NDUFS4: variants seen among roughly 807,000 people sequenced by gnomAD.
NDUFS4 encodes the protein NADH:ubiquinone oxidoreductase subunit S4.
In NDUFS4, 28 loss-of-function variants were observed where a neutral mutation model predicts 24.3. That is an observed-to-expected ratio of 1.15 (90% CI 0.85 to 1.58). NDUFS4 has a LOEUF of 1.58. Ranked by LOEUF, NDUFS4 falls within the 40% of genes most tolerant of loss-of-function variation. NDUFS4 has a pLI of 0.00. For synonymous variants in NDUFS4, 93 were observed against 69.7 expected (o/e 1.34, Z -1.67); for missense variants, 223 against 207.9 (o/e 1.07, Z -0.45).
chr5:53,646,037 T>C (rs192393130), intron 2 of NDUFS4, among the ~76,000 whole-genome samples, 196 bp from the exon 3 acceptor site: 1 of 152,262 alleles, frequency 6.6e-6, no homozygotes, highest in Admixed American at 6.5e-5. Flanking sequence ...TACGTCCCCC[T>C]AAATAAACCA....
chr5:53,602,999 A>G (rs927595905), intron 1 of NDUFS4, among the ~76,000 whole-genome samples: 2 of 152,182 alleles, frequency 1.3e-5, no homozygotes, highest in African/African-American at 2.4e-5. Context: ...ATTCCTATGT[A>G]AAATACTTTT....
intron 2 of NDUFS4, among the ~76,000 whole-genome samples, chr5:53,638,780 C>T (rs933307319): frequency 3.9e-5 from 6 of 152,000 alleles, no homozygotes; most frequent in African/African-American, 9.7e-5. Flanking sequence ...AAAGGAAAAC[C>T]TTCACTTTCT....
At chr5:53,602,972 C>T (rs1750372347) in intron 1 of NDUFS4, among the ~76,000 whole-genome samples, 1 of 152,158 alleles carries the variant, frequency 6.6e-6, no homozygotes, top group Non-Finnish European at 1.5e-5. Context: ...AAACTAATAA[C>T]ATTAGTTATA....
intron 4 of NDUFS4, among the ~76,000 whole-genome samples, chr5:53,669,372 C>G (rs982633316): frequency 2.6e-5 from 4 of 152,096 alleles, no homozygotes; most frequent in African/African-American, 9.7e-5. Flanking sequence ...CATTCCAAAC[C>G]TACTACACCT....
intron 4 of NDUFS4, among the ~76,000 whole-genome samples, chr5:53,661,654 G>C (rs1168647533): frequency 6.6e-6 from 1 of 152,164 alleles, no homozygotes. Context: ...TCTTCCATTT[G>C]TTTGTATCCG....
At chr5:53,591,471 G>GA (rs959386628) in intron 1 of NDUFS4, among the ~76,000 whole-genome samples, 1 of 128,116 alleles carries the variant, frequency 7.8e-6, no homozygotes, top group African/African-American at 2.9e-5. Flanking sequence ...TGGGGGGGGG[G>GA]GGTGATAATA....
At chr5:53,585,298 A>C (rs1405150186) in intron 1 of NDUFS4, among the ~76,000 whole-genome samples, 1 of 152,196 alleles carries the variant, frequency 6.6e-6, no homozygotes, top group Non-Finnish European at 1.5e-5. Context: ...AGTTTTAATT[A>C]CTTGTTCTGT....
intron 1 of NDUFS4, among the ~76,000 whole-genome samples, chr5:53,582,974 T>C (rs1349034949): frequency 6.6e-6 from 1 of 152,134 alleles, no homozygotes; most frequent in Non-Finnish European, 1.5e-5. Flanking sequence ...CGATCTCGGC[T>C]CACTGCAAGC....
chr5:53,682,239 T>TAAA (rs1554062285), intron 4 of NDUFS4, among the ~76,000 whole-genome samples: 3 of 152,136 alleles, frequency 2.0e-5, no homozygotes, highest in African/African-American at 7.2e-5. Flanking sequence ...TTAGGAGAAC[T>TAAA]AAAGAACAGG....
chr5:53,608,328 A>G (rs1181967351), intron 2 of NDUFS4, among the ~76,000 whole-genome samples: 1 of 152,186 alleles, frequency 6.6e-6, no homozygotes, highest in Non-Finnish European at 1.5e-5. Flanking sequence ...TGGTTGCTGA[A>G]GGTTGGGGTG....
chr5:53,637,985 C>A (rs1430759840), intron 2 of NDUFS4, among the ~76,000 whole-genome samples: 1 of 151,976 alleles, frequency 6.6e-6, no homozygotes, highest in Non-Finnish European at 1.5e-5. Context: ...TTAAAATGGC[C>A]GTGGTTAAAA....
intron 2 of NDUFS4, among the ~76,000 whole-genome samples, chr5:53,641,137 G>A (rs2112501204): frequency 6.6e-6 from 1 of 152,216 alleles, no homozygotes; most frequent in East Asian, 1.9e-4. Flanking sequence ...GTTGCCGAAG[G>A]TAACCACTTC....
At position 53,683,137 on chromosome 5, in the gene NDUFS4, A is replaced by G. The variant is rs1430223131; in HGVS notation, c.444A>G (p.Glu148=). ...TCCTAGGATGGAGCTATGACATTGA[A>G]GAGAGGAAGGTTCCAAAACCCAAGT... ...AEKNGWSYDI[E]ERKVPKPKSK... Residue 148 remains glutamate (E), a synonymous_variant, in exon 5 of 5, where the codon GAA becomes GAG. Transcript: ENST00000296684. 9 of 1,607,422 alleles carry G rather than the reference A, an allele frequency of 5.6e-6. No individual in the cohort carries two copies. The highest frequency in any genetic ancestry group is 1.3e-5 in the African/African-American group (1 of 74,794).
At chr5:53,658,699 A>T (rs141811029) in intron 4 of NDUFS4, 75 bp downstream of exon 4, 2 of 1,315,530 alleles carry the variant, frequency 1.5e-6, no homozygotes, top group African/African-American at 1.5e-5. Context: ...CCAATTAAGT[A>T]TACAGAATTT....
At chr5:53,649,096 TTTTC>T (rs1334194417) in intron 3 of NDUFS4, among the ~76,000 whole-genome samples, 1 of 152,218 alleles carries the variant, frequency 6.6e-6, no homozygotes, top group Non-Finnish European at 1.5e-5. Flanking sequence ...GGAATCTATA[TTTTC>T]TTTCTATCTT....
intron 1 of NDUFS4, among the ~76,000 whole-genome samples, chr5:53,580,808 CCTTTCTTTTCTTTTCTT>C (rs1316013371): frequency 1.5e-5 from 2 of 136,176 alleles, no homozygotes; most frequent in African/African-American, 5.5e-5. Flanking sequence ...TCTTTCTTTC[CCTTTCTTTTCTTTTCTT>C]CTTTCTTTTC....
Position 53,600,025 on chromosome 5 carries a change from T to A in NDUFS4, c.99-3427T>A, listed in dbSNP as rs567327915. On this transcript the variant is annotated intron_variant, in intron 1 of 4. Coordinates refer to ENST00000296684, the MANE Select transcript of NDUFS4 (RefSeq NM_002495.4). ...TTTATTATTATTTTTTGAGACGGAG[T>A]TTCATTCTTTGTTGCCCAGGCTGGA... Among the ~76,000 whole-genome samples, 740 of 152,062 alleles carry A rather than the reference T, an allele frequency of 4.9e-3. 2 individuals carry two copies. Among genetic ancestry groups the A allele is most frequent in the Middle Eastern group, 0.01 (3 of 294 alleles).
Position 53,560,698 on chromosome 5 carries a change from G to A in NDUFS4, c.36G>A (p.Gln12=), listed in dbSNP as rs1207351686. 1.9e-6 allele frequency: 3 copies of A among 1,614,154 alleles called. No individual in the cohort carries two copies. The highest frequency in any genetic ancestry group is 2.2e-5 in the East Asian group (1 of 44,900). ...AAVSMSVVLR[Q]TLWRRRAVAV... is the part of the protein sequence containing the mutation. ...TGTCAATGTCAGTGGTACTGAGGCA[G>A]ACGTTGTGGCGGAGAAGGGCAGTGG... The change falls in exon 1 of 5, where the codon CAG becomes CAA. Residue 12 remains glutamine (Q), a synonymous_variant. Coordinates refer to ENST00000296684, the MANE Select transcript of NDUFS4 (RefSeq NM_002495.4).
intron 3 of NDUFS4, among the ~76,000 whole-genome samples, chr5:53,653,160 G>GTT (rs35301238): frequency 5.9e-5 from 9 of 151,710 alleles, no homozygotes; most frequent in African/African-American, 1.9e-4. Context: ...TTTTAAAAAT[G>GTT]TTTTTTTTGT....
Sources: gnomAD v4.1 joint callset for allele counts (sites outside exome capture counted in the v4.1 genomes callset) on GRCh38, gnomAD v4.1.1 for gene constraint, MANE v1.5 for transcripts, NCBI Gene and HGNC (gene_info 2026-07-23, HGNC 2026-07-21) for gene names.